The following DGKG variants were observed in gnomAD, a reference collection of about 807,000 sequenced individuals.
The protein encoded by DGKG is diacylglycerol kinase gamma, also known as DAG kinase gamma.
Under a neutral mutation model 105.3 loss-of-function variants are expected in DGKG, and 78 were observed. That is an observed-to-expected ratio of 0.74 (90% CI 0.62 to 0.89). DGKG has a LOEUF of 0.89. Ranked by LOEUF, DGKG falls within the 40% of genes least tolerant of loss-of-function variation. The probability of loss-of-function intolerance (pLI) is 0.00; values close to 1 mark genes in which losing one functional copy is unlikely to be tolerated. For missense variants in DGKG, 958 were observed against 1,020.1 expected (o/e 0.94, Z 0.83); for synonymous variants, 346 against 367.1 (o/e 0.94, Z 0.66).
At chr3:186,244,670 G>A (rs982693294) in intron 19 of DGKG, among the ~76,000 whole-genome samples, 1 of 152,168 alleles carries the variant, frequency 6.6e-6, no homozygotes, top group Non-Finnish European at 1.5e-5. Flanking sequence ...GCCTCCCAAA[G>A]TGCTGAGATT....
intron 1 of DGKG, among the ~76,000 whole-genome samples, chr3:186,348,049 C>T (rs954447324): frequency 1.1e-4 from 17 of 152,106 alleles, no homozygotes; most frequent in African/African-American, 4.1e-4. Context: ...CAATGTTTCC[C>T]ACAGCACAAA....
At chr3:186,299,821 CTTTCTTTCTTTCTTTCT>C (rs1288601617) in intron 3 of DGKG, among the ~76,000 whole-genome samples, 49 of 99,456 alleles carry the variant, frequency 4.9e-4, no homozygotes, top group South Asian at 1.0e-3. Flanking sequence ...TTCTTTCTTT[CTTTCTTTCTTTCTTTCT>C]TTTTTTTTTT....
intron 1 of DGKG, among the ~76,000 whole-genome samples, chr3:186,356,391 C>T (rs1726959868): frequency 6.6e-6 from 1 of 152,262 alleles, no homozygotes; most frequent in Non-Finnish European, 1.5e-5. Context: ...AGAAACAATG[C>T]ACAGTCTCTA....
At chr3:186,202,466 T>A (rs771062949) in intron 21 of DGKG, among the ~76,000 whole-genome samples, 7 of 152,256 alleles carry the variant, frequency 4.6e-5, no homozygotes, top group Non-Finnish European at 8.8e-5. Context: ...AAGAAAAGGA[T>A]TGTAATGTTT....
chr3:186,213,740 A>G (rs916197052), intron 20 of DGKG, among the ~76,000 whole-genome samples: 3 of 152,182 alleles, frequency 2.0e-5, no homozygotes, highest in Non-Finnish European at 4.4e-5. Context: ...GGGGCCCAGG[A>G]TTGTGCATTT....
intron 2 of DGKG, among the ~76,000 whole-genome samples, chr3:186,318,319 A>G (rs1724912672): frequency 6.6e-6 from 1 of 152,076 alleles, no homozygotes; most frequent in Admixed American, 6.5e-5. Context: ...CACCACAGGA[A>G]TGCTTAGTGG....
rs113575732 is a variant in DGKG, at chr3:186,252,131, G to A, written c.1601-212C>T. On this transcript the variant is annotated intron_variant, in intron 18 of 24. Coordinates refer to ENST00000265022, the MANE Select transcript of DGKG (RefSeq NM_001346.3). ...GAGGCTGGGGGCAGGGGAGGGAGTGGGTGCTAGCTAAAGGTCACAGGCCTG... is the reference window on the plus strand; with the variant it reads ...GAGGCTGGGGGCAGGGGAGGGAGTGAGTGCTAGCTAAAGGTCACAGGCCTG... 7.4e-3 allele frequency among the ~76,000 whole-genome samples: 1,124 copies of A among 152,268 alleles called. 13 individuals are homozygous for A. Among genetic ancestry groups the A allele is most frequent in the African/African-American group, 0.024 (1,005 of 41,542 alleles).
At chr3:186,314,526 G>T (rs1054790059) in intron 2 of DGKG, among the ~76,000 whole-genome samples, 2 of 152,074 alleles carry the variant, frequency 1.3e-5, no homozygotes, top group Admixed American at 6.6e-5. Flanking sequence ...AGGTCGAGGC[G>T]GGTGGATCAC....
intron 13 of DGKG, 40 bp downstream of exon 13, chr3:186,267,645 C>A (rs1264302805): frequency 6.5e-7 from 1 of 1,536,436 alleles, no homozygotes. Context: ...AAACCAGAAC[C>A]CGGAGAAGCT....
At chr3:186,259,204 G>C (rs190291109) in intron 16 of DGKG, among the ~76,000 whole-genome samples, 1 of 152,202 alleles carries the variant, frequency 6.6e-6, no homozygotes, top group Admixed American at 6.5e-5. Context: ...CCCTCAGGGC[G>C]TATCAGCCCG....
intron 19 of DGKG, among the ~76,000 whole-genome samples, chr3:186,250,913 C>A (rs1335676433): frequency 5.3e-5 from 8 of 151,710 alleles, no homozygotes; most frequent in African/African-American, 1.2e-4. Context: ...CCCCTCCCAA[C>A]CCCCAGCTTC....
At chr3:186,309,572 A>G (rs1444161411) in intron 2 of DGKG, among the ~76,000 whole-genome samples, 1 of 152,252 alleles carries the variant, frequency 6.6e-6, no homozygotes, top group African/African-American at 2.4e-5. Context: ...CAAATCCTAC[A>G]TTTTAGAATC....
At chr3:186,193,856 CAT>C (rs1366935700) in intron 21 of DGKG, among the ~76,000 whole-genome samples, 5 of 152,254 alleles carry the variant, frequency 3.3e-5, no homozygotes, top group African/African-American at 1.2e-4. Context: ...CACCGTGGGC[CAT>C]CCCTAACCCA....
At chr3:186,296,959 A>C (rs986403380) in intron 5 of DGKG, among the ~76,000 whole-genome samples, 1 of 152,090 alleles carries the variant, frequency 6.6e-6, no homozygotes, top group African/African-American at 2.4e-5. Flanking sequence ...CAACAAGGGC[A>C]CATTTTTACC....
chr3:186,149,470 A>C lies in DGKG; in HGVS notation c.*620T>G. 1 of 985,480 alleles carries C rather than the reference A, an allele frequency of 1.0e-6. No individual in the cohort carries two copies. The highest frequency in any genetic ancestry group is 1.2e-6 in the Non-Finnish European group (1 of 829,938). The allele number at this position is 985,480 out of a possible 1,614,324, so 61.0% of individuals were successfully genotyped here. A position where few individuals can be genotyped will look rare whatever the true frequency, so the allele number is the denominator to read the frequency against. On this transcript the variant is annotated 3_prime_UTR_variant, in exon 25 of 25. Transcript: ENST00000265022. ...GTGCCCACCGACGGCGCAGAAACCC[A>C]AGAATGGAAATACAGCTTTCCACAG...
At chr3:186,184,511 TGCCTCA>T (rs67156355) in intron 22 of DGKG, among the ~76,000 whole-genome samples, 78,844 of 151,154 alleles carry the variant, frequency 0.52, 22,025 homozygotes, top group East Asian at 0.7. Flanking sequence ...GCAATTCTCC[TGCCTCA>T]GCCTCCCTTG....
intron 1 of DGKG, among the ~76,000 whole-genome samples, chr3:186,343,979 G>T (rs1178887308): frequency 1.3e-5 from 2 of 152,036 alleles, no homozygotes; most frequent in African/African-American, 4.8e-5. Context: ...AGTTCCCTCT[G>T]CTGTTGTTTA....
intron 1 of DGKG, among the ~76,000 whole-genome samples, chr3:186,348,639 G>A (rs1296647930): frequency 1.3e-5 from 2 of 151,552 alleles, no homozygotes; most frequent in Admixed American, 6.6e-5. Context: ...TTTAGTAGAG[G>A]TGGGGTTTTG....
chr3:186,326,397 T>TCAAAAAAAAAAAAAAAAAAAAAA lies in DGKG; in HGVS notation c.-248-5691_-248-5690insTTTTTTTTTTTTTTTTTTTTTTG, dbSNP rs1560156258. On this transcript the variant is annotated intron_variant, in intron 1 of 24. Transcript: ENST00000265022. ...CTGGGTGACAGAGTGAGACACTGTC[T>TCAAAAAAAAAAAAAAAAAAAAAA]TAAAAAAAAAATAGATGTATGTACA... Among the ~76,000 whole-genome samples the TCAAAAAAAAAAAAAAAAAAAAAA allele has an allele frequency of 4.1e-4, 62 of 149,720 alleles. 3 individuals are homozygous for TCAAAAAAAAAAAAAAAAAAAAAA. Among genetic ancestry groups the TCAAAAAAAAAAAAAAAAAAAAAA allele is most frequent in the African/African-American group, 1.5e-3 (60 of 39,712 alleles).
Sources: gnomAD v4.1 joint callset for allele counts (sites outside exome capture counted in the v4.1 genomes callset) on GRCh38, gnomAD v4.1.1 for gene constraint, MANE v1.5 for transcripts, NCBI Gene and HGNC (gene_info 2026-07-23, HGNC 2026-07-21) for gene names.